The following AFF1 variants were observed in gnomAD, a reference collection of about 807,000 sequenced individuals.
AFF1 encodes the protein ALF transcription elongation factor 1.
A neutral mutation model predicts 121.7 loss-of-function variants in AFF1; 48 were observed. The ratio of observed to expected loss-of-function variants is 0.39; its 90% CI spans 0.31 to 0.50. The LOEUF (loss-of-function observed/expected upper bound fraction) is 0.50. Ranked by LOEUF, AFF1 falls within the 20% of genes least tolerant of loss-of-function variation. AFF1 has a pLI of 0.76. For synonymous variants in AFF1, 613 were observed against 563.0 expected, an observed-to-expected ratio of 1.09 and a Z score of -1.26; for missense variants, 1,523 against 1,511.7, an observed-to-expected ratio of 1.01 and a Z score of -0.12.
At chr4:87,115,446 C>A in intron 12 of AFF1, 147 bp downstream of exon 12, 1 of 845,024 alleles carries the variant, frequency 1.2e-6, no homozygotes, top group Non-Finnish European at 1.8e-6. Context: ...CATCTTCTTC[C>A]AGCATTACCT....
chr4:87,095,026 A>G, intron 8 of AFF1, 57 bp downstream of exon 8: 16 of 1,470,600 alleles, frequency 1.1e-5, no homozygotes, highest in Non-Finnish European at 1.4e-5. Context: ...GTAATGTCTC[A>G]TGTCAATGCA....
intron 12 of AFF1, among the ~76,000 whole-genome samples, chr4:87,118,229 TATGAAG>T (rs1224670712): frequency 1.3e-5 from 2 of 152,218 alleles, no homozygotes; most frequent in African/African-American, 4.8e-5. Flanking sequence ...CTTAAAAGTG[TATGAAG>T]ATGATCATAA....
At chr4:86,939,794 T>TA (rs1450714654) in intron 1 of AFF1, among the ~76,000 whole-genome samples, 4 of 152,226 alleles carry the variant, frequency 2.6e-5, no homozygotes, top group Non-Finnish European at 5.9e-5. Context: ...GTGCTCCTCT[T>TA]ACCCGTCCCC....
Position 87,139,588 on chromosome 4 carries a change from A to C in AFF1, c.*3887A>C, listed in dbSNP as rs1729560087. On this transcript the variant is annotated 3_prime_UTR_variant, in exon 21 of 21. Transcript: ENST00000395146. ...TGAGAGTTACGCATTGCAGCCATGA[A>C]GGGATGCTAGGATCAATTATGGCAG... The C allele has an allele frequency of 4.3e-6, 1 of 230,182 alleles. No individual in the cohort carries two copies. The highest frequency in any genetic ancestry group is 8.6e-6 in the Non-Finnish European group (1 of 115,984). 14.3% of individuals were successfully genotyped at this position (230,182 alleles called of 1,614,324 possible).
chr4:87,053,999 A>G (rs1731511902), intron 4 of AFF1, among the ~76,000 whole-genome samples: 1 of 152,186 alleles, frequency 6.6e-6, no homozygotes, highest in South Asian at 2.1e-4. Flanking sequence ...GTATTCCAGG[A>G]AGAAGGAATA....
At chr4:87,125,241 G>A in intron 13 of AFF1, 98 bp downstream of exon 13, 1 of 792,278 alleles carries the variant, frequency 1.3e-6, no homozygotes, top group African/African-American at 1.8e-5. Flanking sequence ...AGAATCAGTG[G>A]ATTAATAAAC....
chr4:87,009,944 A>C (rs1360673662), intron 2 of AFF1, among the ~76,000 whole-genome samples: 1 of 152,216 alleles, frequency 6.6e-6, no homozygotes, highest in Non-Finnish European at 1.5e-5. Context: ...GTTTAAGCAC[A>C]CCAGTTTCTT....
intron 2 of AFF1, among the ~76,000 whole-genome samples, chr4:87,039,896 ATATTTATT>A (rs146123050): frequency 6.6e-6 from 1 of 151,548 alleles, no homozygotes; most frequent in East Asian, 1.9e-4. Flanking sequence ...CACAGTTTTT[ATATTTATT>A]TATTTATTTA....
In AFF1 at chr4:87,046,780, C is replaced by G. The variant is rs767961544; in HGVS notation, c.245C>G (p.Ser82Cys). The G allele has an allele frequency of 6.2e-7, 1 of 1,614,086 alleles. No homozygotes were observed. Among genetic ancestry groups the G allele is most frequent in the Admixed American group, 1.7e-5 (1 of 60,010 alleles). ...GTGAAGGAGTTCCTTAGTACTAAGT[C>G]TCACACTCATCGCCTGGATGCTTCT... is the stretch of plus-strand genomic sequence containing the variant. The part of the protein sequence containing the change: ...EEVKEFLSTK[S>C]HTHRLDASEN... The change falls in exon 4 of 21, where the codon TCT becomes TGT. Residue 82 changes from serine to cysteine, a missense_variant. Transcript: ENST00000395146.
At chr4:87,090,902 C>G (rs566437950) in intron 6 of AFF1, among the ~76,000 whole-genome samples, 28 of 151,126 alleles carry the variant, frequency 1.9e-4, no homozygotes, top group Non-Finnish European at 3.2e-4. Context: ...GTAGTCCCAG[C>G]TACTTGGGAG....
intron 2 of AFF1, chr4:87,007,174 A>G (rs943350553): frequency 5.9e-6 from 8 of 1,356,886 alleles, no homozygotes; most frequent in Non-Finnish European, 6.6e-6. Flanking sequence ...AGATCGCCGC[A>G]GAGGCCCCAG....
At chr4:87,025,290 A>G (rs1464055940) in intron 2 of AFF1, among the ~76,000 whole-genome samples, 1 of 152,230 alleles carries the variant, frequency 6.6e-6, no homozygotes, top group East Asian at 1.9e-4. Flanking sequence ...CTATGTCTGC[A>G]TTAGTTAATG....
intron 1 of AFF1, among the ~76,000 whole-genome samples, chr4:86,939,806 G>A (rs914128394): frequency 4.6e-5 from 7 of 152,178 alleles, no homozygotes; most frequent in Admixed American, 3.9e-4. Flanking sequence ...CCCGTCCCCC[G>A]AGTTTCTGAT....
At chr4:87,131,958 A>G in intron 18 of AFF1, 94 bp downstream of exon 18, 1 of 1,133,224 alleles carries the variant, frequency 8.8e-7, no homozygotes, top group Non-Finnish European at 1.2e-6. Context: ...TTAATGTGAA[A>G]ATTATGAAAA....
chr4:87,057,369 C>T (rs1165524020), intron 4 of AFF1, among the ~76,000 whole-genome samples: 3 of 152,182 alleles, frequency 2.0e-5, no homozygotes, highest in Non-Finnish European at 1.5e-5. Flanking sequence ...ATTATTTTGG[C>T]TTCATGGCAG....
chr4:87,050,881 C>G (rs909317248), intron 4 of AFF1, among the ~76,000 whole-genome samples: 4 of 152,140 alleles, frequency 2.6e-5, no homozygotes, highest in African/African-American at 9.7e-5. Flanking sequence ...TCTTTTCTGT[C>G]TAGAGATAAC....
At chr4:87,114,103 T>C (rs1726829448) in intron 11 of AFF1, among the ~76,000 whole-genome samples, 1 of 152,238 alleles carries the variant, frequency 6.6e-6, no homozygotes, top group African/African-American at 2.4e-5. Flanking sequence ...GAATATATTA[T>C]AAAGATTTCT....
At chr4:87,110,944 T>A (rs75921854) in intron 11 of AFF1, among the ~76,000 whole-genome samples, 27,647 of 150,876 alleles carry the variant, frequency 0.18, 3,010 homozygotes, top group East Asian at 0.38. Context: ...GATAAAATAT[T>A]CCCAGGATAT....
In AFF1 at chr4:87,013,032, C is replaced by CTTTTTTTTTTTTTTTTTTTTTTTTT. The variant is rs61071328; in HGVS notation, c.39-33132_39-33108dup. 5.3e-5 allele frequency among the ~76,000 whole-genome samples: 5 copies of CTTTTTTTTTTTTTTTTTTTTTTTTT among 93,514 alleles called. 1 individual carries two copies. The highest frequency in any genetic ancestry group is 1.0e-4 in the Non-Finnish European group (5 of 49,468). The allele number at this position is 93,514 out of a possible 152,430, so 61.3% of individuals were successfully genotyped here. A position where few individuals can be genotyped will look rare whatever the true frequency, so the allele number is the denominator to read the frequency against. On this transcript the variant is annotated intron_variant, in intron 2 of 20. Coordinates refer to ENST00000395146, the MANE Select transcript of AFF1 (RefSeq NM_001166693.3). ...AACCAGATTGAACTGCTATCAAGTT[C>CTTTTTTTTTTTTTTTTTTTTTTTTT]TTTTTTTTTTTTTTTTTTTTTTTTT...
Sources: gnomAD v4.1 joint callset for allele counts (sites outside exome capture counted in the v4.1 genomes callset) on GRCh38, gnomAD v4.1.1 for gene constraint, MANE v1.5 for transcripts, NCBI Gene and HGNC (gene_info 2026-07-23, HGNC 2026-07-21) for gene names.